The following SPIDR variants were observed in gnomAD, a reference collection of about 807,000 sequenced individuals.
SPIDR encodes DNA repair-scaffolding protein.
Under a neutral mutation model 104.6 loss-of-function variants are expected in SPIDR, and 93 were observed. The ratio of observed to expected loss-of-function variants is 0.89; its 90% CI spans 0.75 to 1.06. SPIDR has a LOEUF of 1.06. Among genes scored for constraint, SPIDR ranks in the 50% least tolerant of loss-of-function variants. The pLI is 0.00. For missense variants in SPIDR, 1,154 were observed against 1,111.2 expected (o/e 1.04, Z -0.55); for synonymous variants, 431 against 416.9 (o/e 1.03, Z -0.41).
At chr8:47,291,755 C>A (rs1331594316) in intron 4 of SPIDR, among the ~76,000 whole-genome samples, 1 of 152,206 alleles carries the variant, frequency 6.6e-6, no homozygotes, top group Non-Finnish European at 1.5e-5. Context: ...CTACACAGTG[C>A]CACACCCACA....
chr8:47,643,708 G>T (rs1209168395), intron 10 of SPIDR, among the ~76,000 whole-genome samples: 1 of 152,042 alleles, frequency 6.6e-6, no homozygotes, highest in Non-Finnish European at 1.5e-5. Flanking sequence ...ATAATTAGTG[G>T]AATATTTCCT....
At chr8:47,340,692 A>T (rs1489893033) in intron 5 of SPIDR, among the ~76,000 whole-genome samples, 2 of 152,158 alleles carry the variant, frequency 1.3e-5, no homozygotes, top group Non-Finnish European at 2.9e-5. Context: ...AAGGTTCATC[A>T]CTAGAAATAC....
chr8:47,549,274 G>T (rs946871847), intron 8 of SPIDR, among the ~76,000 whole-genome samples: 2 of 152,034 alleles, frequency 1.3e-5, no homozygotes, highest in Non-Finnish European at 2.9e-5. Flanking sequence ...TAATCCTTTG[G>T]GTATATACCC....
rs550323307 is a variant in SPIDR, at chr8:47,336,353, G to A, written c.525+42323G>A. ...TTTGGTCTAGGTCCTGTTGCTTGCCGCACAGAAAGCCAGTGACTGAGACAA... is the reference window on the plus strand; with the variant it reads ...TTTGGTCTAGGTCCTGTTGCTTGCCACACAGAAAGCCAGTGACTGAGACAA... On this transcript the variant is annotated intron_variant, in intron 5 of 19. Transcript: ENST00000297423. Among the ~76,000 whole-genome samples the A allele has an allele frequency of 3.9e-5, 6 of 152,296 alleles. No homozygotes were observed. In the South Asian group the frequency reaches 6.2e-4, roughly 16 times the overall value.
chr8:47,649,221 T>C (rs1247050596), intron 10 of SPIDR, among the ~76,000 whole-genome samples: 1 of 151,502 alleles, frequency 6.6e-6, no homozygotes, highest in Admixed American at 6.6e-5. Flanking sequence ...CCCACTATAC[T>C]CTAGCCTAGG....
intron 8 of SPIDR, chr8:47,511,624 T>C: frequency 2.5e-6 from 2 of 791,548 alleles, no homozygotes; most frequent in Non-Finnish European, 4.6e-6. Flanking sequence ...GTTGGAATGA[T>C]GTCTCTTTTC....
intron 8 of SPIDR, among the ~76,000 whole-genome samples, chr8:47,484,411 G>A (rs1340583057): frequency 6.6e-6 from 1 of 152,206 alleles, no homozygotes; most frequent in African/African-American, 2.4e-5. Flanking sequence ...CAGCTGTCCT[G>A]GGCCAGGTCC....
intron 10 of SPIDR, among the ~76,000 whole-genome samples, chr8:47,649,626 C>T (rs2071236513): frequency 6.6e-6 from 1 of 151,946 alleles, no homozygotes. Context: ...TGTAGAGCGG[C>T]TATATGGGAA....
At chr8:47,264,232 C>G (rs2033340374) in intron 1 of SPIDR, among the ~76,000 whole-genome samples, 1 of 152,094 alleles carries the variant, frequency 6.6e-6, no homozygotes, top group Non-Finnish European at 1.5e-5. Context: ...ACTGGGTTGA[C>G]AGACTACAAA....
intron 5 of SPIDR, among the ~76,000 whole-genome samples, chr8:47,384,708 G>T (rs997650736): frequency 6.6e-6 from 1 of 152,116 alleles, no homozygotes. Context: ...CACCCCTGCC[G>T]TCCTCTCCTC....
At chr8:47,372,587 C>T (rs1390464198) in intron 5 of SPIDR, among the ~76,000 whole-genome samples, 4 of 152,108 alleles carry the variant, frequency 2.6e-5, no homozygotes, top group African/African-American at 9.7e-5. Context: ...GATTGTGCCA[C>T]TGCACTCCAG....
intron 7 of SPIDR, among the ~76,000 whole-genome samples, chr8:47,419,774 C>A (rs766035431): frequency 2.0e-4 from 30 of 152,098 alleles, no homozygotes; most frequent in Non-Finnish European, 2.4e-4. Flanking sequence ...AAATTTCCCT[C>A]TACACACTGC....
At chr8:47,706,577 A>G (rs1266686738) in intron 14 of SPIDR, among the ~76,000 whole-genome samples, 3 of 152,188 alleles carry the variant, frequency 2.0e-5, no homozygotes, top group Non-Finnish European at 4.4e-5. Context: ...CCGCTGTGCC[A>G]TCACCAACGA....
intron 7 of SPIDR, among the ~76,000 whole-genome samples, chr8:47,420,223 C>T (rs200702046): frequency 1.3e-4 from 19 of 151,984 alleles, no homozygotes; most frequent in Non-Finnish European, 2.1e-4. Flanking sequence ...GGTTTTAAAG[C>T]CTCCCATTAT....
intron 10 of SPIDR, among the ~76,000 whole-genome samples, chr8:47,640,066 G>A (rs995301425): frequency 1.3e-5 from 2 of 152,156 alleles, no homozygotes; most frequent in Admixed American, 6.5e-5. Context: ...AGCCACAGCC[G>A]ACAGCAGGGA....
intron 8 of SPIDR, among the ~76,000 whole-genome samples, chr8:47,483,816 A>G (rs571530117): frequency 2.6e-5 from 4 of 152,202 alleles, no homozygotes; most frequent in African/African-American, 9.6e-5. Flanking sequence ...CCTCTGTGGT[A>G]TGTGTCATTG....
chr8:47,351,941 G>GA (rs1365619673), intron 5 of SPIDR, among the ~76,000 whole-genome samples: 2 of 152,102 alleles, frequency 1.3e-5, no homozygotes, highest in Non-Finnish European at 2.9e-5. Flanking sequence ...TTATAATTTT[G>GA]AAAGAACAGA....
intron 8 of SPIDR, chr8:47,592,587 T>A: frequency 8.0e-7 from 1 of 1,255,250 alleles, no homozygotes; most frequent in Non-Finnish European, 1.2e-6. Context: ...TCCTTGATGA[T>A]CCTGCGGGGC....
chr8:47,388,713 C>T (rs1183768055), intron 5 of SPIDR, among the ~76,000 whole-genome samples: 6 of 152,194 alleles, frequency 3.9e-5, no homozygotes, highest in Non-Finnish European at 7.3e-5. Flanking sequence ...ATGTCCATAA[C>T]CCCATGGCTG....
Sources: allele counts gnomAD v4.1 joint callset (sites outside exome capture counted in the v4.1 genomes callset), GRCh38; gene constraint gnomAD v4.1.1; transcripts MANE v1.5; gene names NCBI Gene and HGNC (gene_info 2026-07-23, HGNC 2026-07-21).